The following FBXW11 variants were observed in gnomAD, a reference collection of about 807,000 sequenced individuals.
The protein encoded by FBXW11 is F-box/WD repeat-containing protein 11.
FBXW11 carries 19 observed loss-of-function variants against 77.6 expected under a neutral mutation model. The ratio of observed to expected loss-of-function variants is 0.24; its 90% CI spans 0.17 to 0.36. FBXW11 has a LOEUF of 0.36. Among genes scored for constraint, FBXW11 ranks in the 10% least tolerant of loss-of-function variants. FBXW11 has a pLI of 1.00. For missense variants in FBXW11, 334 were observed against 704.2 expected (o/e 0.47, Z 5.95); for synonymous variants, 235 against 249.4 (o/e 0.94, Z 0.54).
At chr5:171,917,833 T>C (rs1054354788) in intron 2 of FBXW11, among the ~76,000 whole-genome samples, 14 of 151,858 alleles carry the variant, frequency 9.2e-5, no homozygotes, top group African/African-American at 3.1e-4. Flanking sequence ...ATATATTTTA[T>C]ATATATGTCT....
chr5:171,985,157 A>C (rs990569797), intron 1 of FBXW11, among the ~76,000 whole-genome samples: 2 of 152,148 alleles, frequency 1.3e-5, no homozygotes, highest in Non-Finnish European at 2.9e-5. Context: ...TCCCTGGGAC[A>C]TTCCAACAGT....
At chr5:171,916,523 T>A in intron 2 of FBXW11, 1 of 902,464 alleles carries the variant, frequency 1.1e-6, no homozygotes, top group Non-Finnish European at 1.3e-6. Flanking sequence ...AAGCAGTAAG[T>A]AATTCTGAAT....
intron 7 of FBXW11, among the ~76,000 whole-genome samples, chr5:171,885,079 G>C (rs1467542368): frequency 6.6e-6 from 1 of 152,140 alleles, no homozygotes; most frequent in Non-Finnish European, 1.5e-5. Flanking sequence ...GGATGAGGGG[G>C]CTGGAGTTGT....
intron 2 of FBXW11, among the ~76,000 whole-genome samples, chr5:171,939,149 A>G (rs947024378): frequency 6.6e-6 from 1 of 152,172 alleles, no homozygotes; most frequent in African/African-American, 2.4e-5. Flanking sequence ...AGGCAGGAGA[A>G]TCACTTGAAC....
intron 3 of FBXW11, among the ~76,000 whole-genome samples, chr5:171,913,656 T>C (rs1439923070): frequency 6.6e-6 from 1 of 152,170 alleles, no homozygotes; most frequent in Non-Finnish European, 1.5e-5. Context: ...TCAAATCAAA[T>C]GAACCCAGAG....
chr5:171,982,278 TA>T (rs1421346777), intron 1 of FBXW11, among the ~76,000 whole-genome samples: 6 of 152,174 alleles, frequency 3.9e-5, no homozygotes, highest in African/African-American at 1.4e-4. Flanking sequence ...TTTATTTATT[TA>T]TTTTTTTGAG....
chr5:171,910,061 CTTTTTTTTT>C (rs3087180), intron 4 of FBXW11, among the ~76,000 whole-genome samples: 1 of 92,530 alleles, frequency 1.1e-5, no homozygotes, highest in African/African-American at 3.9e-5. Flanking sequence ...ATAATGAACA[CTTTTTTTTT>C]TTTTTTTTTT....
At chr5:171,945,648 G>A (rs1259805886) in intron 2 of FBXW11, among the ~76,000 whole-genome samples, 2 of 152,136 alleles carry the variant, frequency 1.3e-5, no homozygotes, top group African/African-American at 4.8e-5. Context: ...TATACTAATG[G>A]TTCTCTGCGA....
intron 1 of FBXW11, among the ~76,000 whole-genome samples, chr5:171,976,890 C>A (rs1764854951): frequency 6.6e-6 from 1 of 151,856 alleles, no homozygotes; most frequent in African/African-American, 2.4e-5. Context: ...CTACTAAAAA[C>A]ACAAAATTAG....
rs757530066 is a variant in FBXW11 at position 171,914,416 on chromosome 5, A to T, written c.148-11T>A. 17 of 1,566,212 alleles carry T rather than the reference A, an allele frequency of 1.1e-5. No individual in the cohort carries two copies. The highest frequency in any genetic ancestry group is 1.3e-5 in the Non-Finnish European group (15 of 1,163,668). On this transcript the variant is annotated splice_polypyrimidine_tract_variant and intron_variant, in intron 2 of 13. Transcript: ENST00000517395. ...CATAACTGAAGTGTTCTAGGGGGGG[A>T]AAAACAGGTTATTTGAATTATACCA...
At chr5:171,996,048 G>A (rs1766026326) in intron 1 of FBXW11, among the ~76,000 whole-genome samples, 1 of 152,154 alleles carries the variant, frequency 6.6e-6, no homozygotes, top group Non-Finnish European at 1.5e-5. Flanking sequence ...TAAAATGCAG[G>A]TGAAGCATTG....
intron 2 of FBXW11, among the ~76,000 whole-genome samples, chr5:171,950,470 C>T (rs907170578): frequency 2.6e-5 from 4 of 151,196 alleles, no homozygotes; most frequent in South Asian, 4.2e-4. Flanking sequence ...GATAAAAGTA[C>T]CATTCATGAA....
rs760981154 is a variant in FBXW11, at chr5:171,869,710, G to A, written c.1530+19C>T. The A allele has an allele frequency of 9.2e-5, 147 of 1,591,648 alleles. 2 individuals carry two copies. Among genetic ancestry groups the A allele is most frequent in the Admixed American group, 1.4e-4 (8 of 57,624 alleles). On this transcript the variant is annotated intron_variant, in intron 12 of 13. Transcript: ENST00000517395. The surrounding 1 kb of genome is among the most constrained non-coding windows in gnomAD (Gnocchi z 4.1). Reference sequence around the variant, plus strand: ...CCTCCAGCACAGGGAACCAATTCCCGTCTCAAGAGATCACATACCACCAAT... The same window carrying A: ...CCTCCAGCACAGGGAACCAATTCCCATCTCAAGAGATCACATACCACCAAT...
At position 171,876,608 on chromosome 5, in the gene FBXW11, T is replaced by C. The variant is rs1485938907; in HGVS notation, c.972-74A>G. 4.5e-6 allele frequency: 7 copies of C among 1,559,120 alleles called. No individual in the cohort carries two copies. Among genetic ancestry groups the C allele is most frequent in the Middle Eastern group, 1.7e-4 (1 of 5,908 alleles). ...AAATGATTCTGGTATCTGAGCTCTG[T>C]CTGGGTCTGCAATGGTTTGGATATA... On this transcript the variant is annotated intron_variant, in intron 8 of 13. Transcript: ENST00000517395. The surrounding 1 kb of genome is among the most constrained non-coding windows in gnomAD (Gnocchi z 4.2).
In FBXW11 at chr5:172,006,490, A is replaced by G; in HGVS notation, c.13T>C (p.Ser5Pro). 6.5e-7 allele frequency: 1 copy of G among 1,534,526 alleles called. No homozygotes were observed. The highest frequency in any genetic ancestry group is 2.7e-5 in the East Asian group (1 of 37,398). ...TCGATGGTCTTGTCCTCAATCACCG[A>G]GTCGGGCTCCATGGCGGCCCCGGCG... MEPDSVIEDKTIELM... is the reference protein window; with the variant it reads MEPDPVIEDKTIELM... Residue 5 changes from serine (S) to proline (P), a missense_variant, in exon 1 of 14, where the codon TCG becomes CCG. By Grantham distance (74) the Ser-to-Pro change is moderately conservative. Transcript: ENST00000517395.
intron 1 of FBXW11, among the ~76,000 whole-genome samples, chr5:171,990,597 C>T (rs1765681965): frequency 6.6e-6 from 1 of 152,088 alleles, no homozygotes; most frequent in Non-Finnish European, 1.5e-5. Flanking sequence ...AAACTGGTTA[C>T]CCAAATTATG....
In FBXW11 at chr5:171,910,806, G is replaced by T. The variant is rs1437492512; in HGVS notation, c.211-9C>A. 1.3e-6 allele frequency: 2 copies of T among 1,485,516 alleles called. No individual in the cohort carries two copies. The highest frequency in any genetic ancestry group is 9.0e-7 in the Non-Finnish European group (1 of 1,114,282). 92.0% of individuals were successfully genotyped at this position (1,485,516 alleles called of 1,614,324 possible). On this transcript the variant is annotated splice_polypyrimidine_tract_variant and intron_variant, in intron 3 of 13. Transcript: ENST00000517395. ...GATGTTCCATTACTTATCTATTTTA[G>T]AAAAACAAAAAAAAAATTAGTTTAA...
At chr5:171,948,242 A>G (rs1459311124) in intron 2 of FBXW11, among the ~76,000 whole-genome samples, 1 of 151,744 alleles carries the variant, frequency 6.6e-6, no homozygotes, top group Admixed American at 6.6e-5. Flanking sequence ...CTCAAAAAAA[A>G]AAAAAAAAAA....
intron 7 of FBXW11, among the ~76,000 whole-genome samples, chr5:171,878,425 G>T (rs1055485553): frequency 6.6e-6 from 1 of 152,046 alleles, no homozygotes; most frequent in Non-Finnish European, 1.5e-5. Flanking sequence ...AAAAGAATTC[G>T]CTCACTGACT....
Sources: gnomAD v4.1 joint callset for allele counts (sites outside exome capture counted in the v4.1 genomes callset) on GRCh38, gnomAD v4.1.1 for gene constraint, Gnocchi (gnomAD v3.1) non-coding constraint, MANE v1.5 for transcripts, NCBI Gene and HGNC (gene_info 2026-07-23, HGNC 2026-07-21) for gene names.